ATRNL1: variants seen among roughly 807,000 people sequenced by gnomAD.
ATRNL1 encodes attractin like 1.
A neutral mutation model predicts 182.7 loss-of-function variants in ATRNL1; 95 were observed. The ratio of observed to expected loss-of-function variants is 0.52; its 90% CI spans 0.44 to 0.62. The LOEUF (loss-of-function observed/expected upper bound fraction) is 0.62. ATRNL1 is among the 20% of genes least tolerant of loss of function. ATRNL1 has a pLI of 0.00. For synonymous variants in ATRNL1, 576 were observed against 568.3 expected, an observed-to-expected ratio of 1.01 and a Z score of -0.19; for missense variants, 1,471 against 1,679.5, an observed-to-expected ratio of 0.88 and a Z score of 2.17.
chr10:115,870,773 C>T (rs932846041), intron 28 of ATRNL1, among the ~76,000 whole-genome samples: 11 of 152,174 alleles, frequency 7.2e-5, no homozygotes, highest in African/African-American at 2.4e-4. Flanking sequence ...ATTCCTAGCT[C>T]TACAATTTAG....
intron 26 of ATRNL1, among the ~76,000 whole-genome samples, chr10:115,649,340 C>T (rs1327218726): frequency 6.6e-6 from 1 of 152,070 alleles, no homozygotes; most frequent in Admixed American, 6.6e-5. Flanking sequence ...AAATACTGCA[C>T]TAATTAACGT....
intron 19 of ATRNL1, among the ~76,000 whole-genome samples, chr10:115,344,030 CA>C (rs1855867461): frequency 6.6e-6 from 1 of 152,106 alleles, no homozygotes; most frequent in East Asian, 1.9e-4. Context: ...GGTGGAGTGA[CA>C]AAAGTACCAC....
intron 19 of ATRNL1, among the ~76,000 whole-genome samples, chr10:115,367,804 T>C (rs1857137314): frequency 7.0e-6 from 1 of 142,244 alleles, no homozygotes; most frequent in African/African-American, 2.6e-5. Context: ...GTGCCCCTGC[T>C]GGGGGGTGCC....
chr10:115,548,666 C>T (rs1852801095), intron 25 of ATRNL1, among the ~76,000 whole-genome samples: 1 of 152,032 alleles, frequency 6.6e-6, no homozygotes, highest in Non-Finnish European at 1.5e-5. Flanking sequence ...AACAAAGTAC[C>T]CTGCATTATC....
intron 5 of ATRNL1, among the ~76,000 whole-genome samples, chr10:115,140,649 A>G (rs1464194556): frequency 2.0e-5 from 3 of 152,114 alleles, no homozygotes; most frequent in Admixed American, 6.5e-5. Context: ...GTCCTGCTCA[A>G]TCCTATTGCT....
chr10:115,121,815 G>A lies in ATRNL1; in HGVS notation c.491+3G>A, dbSNP rs1844749017. 1 of 1,360,374 alleles carries A rather than the reference G, an allele frequency of 7.4e-7. No individual in the cohort carries two copies. Among genetic ancestry groups the A allele is most frequent in the Non-Finnish European group, 1.0e-6 (1 of 979,958 alleles). 84.3% of individuals were successfully genotyped at this position (1,360,374 alleles called of 1,614,324 possible). A position where few individuals can be genotyped will look rare whatever the true frequency, so the allele number is the denominator to read the frequency against. The stretch of plus-strand genomic sequence containing the variant: ...GCACCTTTAATAGCTGTACTTAGGT[G>A]AGTAATTATATTTAATCAGTTGCAG... On this transcript the variant is annotated splice_donor_region_variant and intron_variant, in intron 3 of 28. Transcript: ENST00000355044.
intron 28 of ATRNL1, among the ~76,000 whole-genome samples, chr10:115,880,421 C>T (rs1392276394): frequency 7.9e-5 from 12 of 152,124 alleles, no homozygotes; most frequent in African/African-American, 2.9e-4. Flanking sequence ...GTCAGGAGTT[C>T]GAGACCAGCC....
At chr10:115,337,115 C>G (rs1554936975) in intron 19 of ATRNL1, among the ~76,000 whole-genome samples, 1 of 151,768 alleles carries the variant, frequency 6.6e-6, no homozygotes, top group Non-Finnish European at 1.5e-5. Context: ...TCTGCCTCAG[C>G]CTCCCAAAGT....
At chr10:115,591,709 C>T (rs7095798) in intron 26 of ATRNL1, among the ~76,000 whole-genome samples, 69,039 of 152,002 alleles carry the variant, frequency 0.45, 16,535 homozygotes, top group African/African-American at 0.52. Context: ...AGGTCCAAAA[C>T]GCGTATATAC....
chr10:115,172,900 T>A (rs1167648669), intron 8 of ATRNL1, among the ~76,000 whole-genome samples: 1 of 151,682 alleles, frequency 6.6e-6, no homozygotes, highest in Non-Finnish European at 1.5e-5. Context: ...ATTACTCATG[T>A]CAAGTTGGCC....
At chr10:115,376,750 T>C (rs1392969049) in intron 19 of ATRNL1, among the ~76,000 whole-genome samples, 2 of 152,228 alleles carry the variant, frequency 1.3e-5, no homozygotes, top group Non-Finnish European at 2.9e-5. Context: ...AATCTGGATG[T>C]CTGTAACCTT....
At chr10:115,188,816 A>T (rs1330104914) in intron 8 of ATRNL1, among the ~76,000 whole-genome samples, 1 of 152,140 alleles carries the variant, frequency 6.6e-6, no homozygotes, top group Non-Finnish European at 1.5e-5. Flanking sequence ...AAATAGATCC[A>T]TAAAACAGAT....
chr10:115,175,532 G>A (rs1251925276), intron 8 of ATRNL1, among the ~76,000 whole-genome samples: 2 of 151,810 alleles, frequency 1.3e-5, no homozygotes, highest in Non-Finnish European at 2.9e-5. Flanking sequence ...CTTGATTTTT[G>A]TCTTACTAAC....
At chr10:115,924,939 C>G (rs58744761) in intron 28 of ATRNL1, among the ~76,000 whole-genome samples, 26,697 of 151,990 alleles carry the variant, frequency 0.18, 2,429 homozygotes, top group Non-Finnish European at 0.2. Flanking sequence ...GTGGTTTGTA[C>G]TTCCCCTTGA....
At chr10:115,861,563 T>C (rs1951317154) in intron 28 of ATRNL1, among the ~76,000 whole-genome samples, 1 of 152,204 alleles carries the variant, frequency 6.6e-6, no homozygotes, top group Non-Finnish European at 1.5e-5. Flanking sequence ...GAAATTTGGC[T>C]TATGAAAACT....
At chr10:115,173,561 G>A (rs971418853) in intron 8 of ATRNL1, among the ~76,000 whole-genome samples, 5 of 151,752 alleles carry the variant, frequency 3.3e-5, no homozygotes, top group Non-Finnish European at 2.9e-5. Context: ...CTGTGAAAGT[G>A]GAAGTAAAAT....
chr10:115,781,867 G>A (rs1007255077), intron 27 of ATRNL1, among the ~76,000 whole-genome samples: 2 of 152,008 alleles, frequency 1.3e-5, no homozygotes, highest in African/African-American at 2.4e-5. Context: ...CTTTCTCCAC[G>A]GGCTGAAATC....
At chr10:115,921,364 T>C (rs1953055690) in intron 28 of ATRNL1, among the ~76,000 whole-genome samples, 1 of 152,132 alleles carries the variant, frequency 6.6e-6, no homozygotes, top group South Asian at 2.1e-4. Flanking sequence ...TGAACTAAAA[T>C]GTATTAAAGG....
rs1333109963 is a variant in ATRNL1, at chr10:115,530,897, C to T, written c.3716+11573C>T. 1.0e-3 allele frequency among the ~76,000 whole-genome samples: 151 copies of T among 150,242 alleles called. 3 individuals carry two copies. In the East Asian group the frequency reaches 0.026, roughly 26 times the overall value. On this transcript the variant is annotated intron_variant, in intron 25 of 28. Transcript: ENST00000355044. ...TGTGGTGTTTGGTTTTTTGTCCTTGCGATAGTTTACTGAGAATGATGATTT... is the reference window on the plus strand; with the variant it reads ...TGTGGTGTTTGGTTTTTTGTCCTTGTGATAGTTTACTGAGAATGATGATTT...
Sources: gnomAD v4.1 joint callset for allele counts (sites outside exome capture counted in the v4.1 genomes callset) on GRCh38, gnomAD v4.1.1 for gene constraint, MANE v1.5 for transcripts, NCBI Gene and HGNC (gene_info 2026-07-23, HGNC 2026-07-21) for gene names.